The following MMADHC variants were observed in gnomAD, a reference collection of about 807,000 sequenced individuals.
The protein encoded by MMADHC is cobalamin trafficking protein CblD.
In MMADHC, 23 loss-of-function variants were observed where a neutral mutation model predicts 36.3. That is an observed-to-expected ratio of 0.63 (90% CI 0.46 to 0.90). MMADHC has a LOEUF of 0.90. Ranked by LOEUF, MMADHC falls within the 40% of genes least tolerant of loss-of-function variation. The probability of loss-of-function intolerance (pLI) is 0.00; values close to 1 mark genes in which losing one functional copy is unlikely to be tolerated. For synonymous variants in MMADHC, 97 were observed against 116.1 expected (o/e 0.84, Z 1.06); for missense variants, 330 against 348.0 (o/e 0.95, Z 0.41).
chr2:149,578,414 C>T (rs1682746763), intron 4 of MMADHC, among the ~76,000 whole-genome samples: 1 of 152,116 alleles, frequency 6.6e-6, no homozygotes, highest in African/African-American at 2.4e-5. Flanking sequence ...AAAAAGATTA[C>T]TTCAGTATTA....
chr2:149,576,987 T>G (rs1366932662), intron 4 of MMADHC, among the ~76,000 whole-genome samples: 1 of 152,172 alleles, frequency 6.6e-6, no homozygotes, highest in African/African-American at 2.4e-5. Flanking sequence ...GAGGCTTTTA[T>G]TCAACTGAAA....
rs1326625376 is a variant in MMADHC, at chr2:149,587,755, C to CTGGCGG, written c.-150_-145dup. 1 of 152,946 alleles carries CTGGCGG rather than the reference C, an allele frequency of 6.5e-6. No individual in the cohort carries two copies. Among genetic ancestry groups the CTGGCGG allele is most frequent in the Non-Finnish European group, 1.5e-5 (1 of 68,502 alleles). The allele number at this position is 152,946 out of a possible 1,614,324, so 9.5% of individuals were successfully genotyped here. A position where few individuals can be genotyped will look rare whatever the true frequency, so the allele number is the denominator to read the frequency against. On this transcript the variant is annotated 5_prime_UTR_variant, in exon 1 of 8. Coordinates refer to ENST00000303319, the MANE Select transcript of MMADHC (RefSeq NM_015702.3). ...GACGGCAGCGGTGGTAGCACCTACG[C>CTGGCGG]TGGCGGTGAGCAGGCAAAGGAAGTT...
chr2:149,575,622 G>A (rs1021509356), intron 6 of MMADHC, 89 bp downstream of exon 6: 5 of 1,089,836 alleles, frequency 4.6e-6, no homozygotes, highest in Middle Eastern at 3.2e-4. Flanking sequence ...AATAAAGGGT[G>A]GAAATGACAG....
chr2:149,570,047 T>C lies in MMADHC; in HGVS notation c.818A>G (p.His273Arg). The part of the protein sequence containing the change: ...KVIRHSLWGT[H>R]VVVGSIFTNA... ...AGTGAAGATACTCCCTACAACTACATGGGTACCCCAGAGACTATGACGAAT... is the reference window on the plus strand; with the variant it reads ...AGTGAAGATACTCCCTACAACTACACGGGTACCCCAGAGACTATGACGAAT... The change falls in exon 8 of 8, where the codon CAT becomes CGT. Residue 273 changes from histidine to arginine, a missense_variant. Transcript: ENST00000303319. 1 of 1,613,824 alleles carries C rather than the reference T, an allele frequency of 6.2e-7. No individual in the cohort carries two copies. Among genetic ancestry groups the C allele is most frequent in the Non-Finnish European group, 8.5e-7 (1 of 1,179,786 alleles).
At chr2:149,575,619 G>T in intron 6 of MMADHC, 92 bp downstream of exon 6, 1 of 1,077,102 alleles carries the variant, frequency 9.3e-7, no homozygotes, top group Non-Finnish European at 1.3e-6. Flanking sequence ...ATGAATAAAG[G>T]GTGGAAATGA....
At chr2:149,582,405 C>T in intron 2 of MMADHC, 134 bp from the exon 3 acceptor site, 4 of 761,092 alleles carry the variant, frequency 5.3e-6, no homozygotes, top group Non-Finnish European at 8.9e-6. Context: ...TGAACACCTA[C>T]TATATGAAAG....
chr2:149,578,891 T>C (rs1682754079), intron 4 of MMADHC, among the ~76,000 whole-genome samples: 1 of 144,484 alleles, frequency 6.9e-6, no homozygotes, highest in Non-Finnish European at 1.5e-5. Flanking sequence ...TAAATAATCA[T>C]AAATGCAAGT....
chr2:149,575,916 A>T, intron 5 of MMADHC, 75 bp from the exon 6 acceptor site: 1 of 1,169,368 alleles, frequency 8.6e-7, no homozygotes, highest in South Asian at 1.4e-5. Flanking sequence ...GAAGGATAAA[A>T]GTACTTCTTT....
At chr2:149,584,906 C>T (rs1682843986) in intron 2 of MMADHC, among the ~76,000 whole-genome samples, 1 of 151,772 alleles carries the variant, frequency 6.6e-6, no homozygotes, top group Non-Finnish European at 1.5e-5. Context: ...AGCCGGGCAT[C>T]GTGGCAAGTG....
intron 7 of MMADHC, among the ~76,000 whole-genome samples, chr2:149,570,570 A>ATGAT (rs1166141096): frequency 6.6e-6 from 1 of 152,228 alleles, no homozygotes; most frequent in African/African-American, 2.4e-5. Flanking sequence ...GATTCAAAAA[A>ATGAT]TGATTTAATT....
chr2:149,587,245 C>T, intron 1 of MMADHC, 96 bp from the exon 2 acceptor site: 2 of 764,624 alleles, frequency 2.6e-6, no homozygotes, highest in South Asian at 3.0e-5. Flanking sequence ...TGTCGTCCAC[C>T]ACGTCAGGAC....
chr2:149,576,416 A>G (rs773384118), intron 5 of MMADHC, 21 bp downstream of exon 5: 22 of 1,511,946 alleles, frequency 1.5e-5, no homozygotes, highest in Admixed American at 6.7e-5. Flanking sequence ...ACAGTGTTTC[A>G]AAGTATAAAG....
At chr2:149,586,372 G>A (rs954731671) in intron 2 of MMADHC, among the ~76,000 whole-genome samples, 4 of 152,086 alleles carry the variant, frequency 2.6e-5, no homozygotes, top group African/African-American at 9.7e-5. Flanking sequence ...TAGGCGGGTT[G>A]GGGAGTTCTT....
intron 3 of MMADHC, among the ~76,000 whole-genome samples, chr2:149,580,549 A>T (rs1223428296): frequency 6.6e-6 from 1 of 152,230 alleles, no homozygotes; most frequent in Non-Finnish European, 1.5e-5. Flanking sequence ...ATAATTACTC[A>T]GAGTAGAGAT....
In MMADHC at chr2:149,575,694, G is replaced by C; in HGVS notation, c.609+17C>G. On this transcript the variant is annotated intron_variant, in intron 6 of 7. Coordinates refer to ENST00000303319, the MANE Select transcript of MMADHC (RefSeq NM_015702.3). ...TAATGACCATAAAATTAAATTATTAGCAATTGAAAGAATTACCTTTTCTAA... is the reference window on the plus strand; with the variant it reads ...TAATGACCATAAAATTAAATTATTACCAATTGAAAGAATTACCTTTTCTAA... 1 of 1,569,080 alleles carries C rather than the reference G, an allele frequency of 6.4e-7. No individual in the cohort carries two copies. The highest frequency in any genetic ancestry group is 8.7e-7 in the Non-Finnish European group (1 of 1,151,830).
chr2:149,578,978 A>T lies in MMADHC; in HGVS notation c.372+453T>A, dbSNP rs568751031. On this transcript the variant is annotated intron_variant, in intron 4 of 7. Transcript: ENST00000303319. Reference sequence around the variant, plus strand: ...GTTTAAGAAAAAATAAACTTATGAAACTGGTTCCTTTTTTTTTTTTTTACT... The same window carrying T: ...GTTTAAGAAAAAATAAACTTATGAATCTGGTTCCTTTTTTTTTTTTTTACT... Among the ~76,000 whole-genome samples, 16 of 150,220 alleles carry T rather than the reference A, an allele frequency of 1.1e-4. No homozygotes were observed. The South Asian group carries it at 2.3e-3, about 22-fold the overall frequency.
intron 2 of MMADHC, 55 bp downstream of exon 2, chr2:149,587,034 C>A: frequency 6.4e-7 from 1 of 1,565,204 alleles, no homozygotes; most frequent in African/African-American, 1.4e-5. Context: ...TTCTTTCATT[C>A]CTAACATTCC....
At position 149,579,417 on chromosome 2, in the gene MMADHC, T is replaced by C. The variant is rs767406364; in HGVS notation, c.372+14A>G. On this transcript the variant is annotated intron_variant, in intron 4 of 7. Coordinates refer to ENST00000303319, the MANE Select transcript of MMADHC (RefSeq NM_015702.3). ...ATAATCAGGAAAGCACAATAAATGT[T>C]ACCAACAATTTACCTGAAATTCATT... 14 of 1,597,802 alleles carry C rather than the reference T, an allele frequency of 8.8e-6. No homozygotes were observed. The East Asian group carries it at 2.5e-4, about 28-fold the overall frequency.
chr2:149,587,239 G>C (rs1682886080), intron 1 of MMADHC, 90 bp from the exon 2 acceptor site: 5 of 803,596 alleles, frequency 6.2e-6, no homozygotes, highest in Non-Finnish European at 1.1e-5. Flanking sequence ...AAGGTGTGTC[G>C]TCCACCACGT....
Sources: allele counts gnomAD v4.1 joint callset (sites outside exome capture counted in the v4.1 genomes callset), GRCh38; gene constraint gnomAD v4.1.1; transcripts MANE v1.5; gene names NCBI Gene and HGNC (gene_info 2026-07-23, HGNC 2026-07-21).